The following TMEM223 variants were observed in gnomAD, a reference collection of about 807,000 sequenced individuals.
The protein encoded by TMEM223 is transmembrane protein 223.
In TMEM223, 14 loss-of-function variants were observed where a neutral mutation model predicts 14.1. That is an observed-to-expected ratio of 0.99 (90% CI 0.66 to 1.55). The LOEUF is 1.55. TMEM223 is among the 40% of genes most tolerant of loss of function. TMEM223 has a pLI of 0.00. For missense variants in TMEM223, 346 were observed against 269.9 expected, an observed-to-expected ratio of 1.28 and a Z score of -1.97; for synonymous variants, 145 against 120.5, an observed-to-expected ratio of 1.20 and a Z score of -1.33.
At chr11:62,787,352 C>T (rs998193563), downstream of TMEM223, 101 of 1,535,246 alleles carry the variant, frequency 6.6e-5, no homozygotes, top group Non-Finnish European at 8.3e-5. Context: ...ATGACGTCTC[C>T]ACCTTCGTGG....
intron 1 of TMEM223, among the ~76,000 whole-genome samples, chr11:62,780,780 C>G (rs1014020846): frequency 6.9e-6 from 1 of 145,172 alleles, no homozygotes; most frequent in East Asian, 2.1e-4. Flanking sequence ...ACTAAAAATA[C>G]CAGAAAATTA....
intron 1 of TMEM223, chr11:62,777,887 T>A: frequency 6.8e-7 from 1 of 1,462,470 alleles, no homozygotes; most frequent in Non-Finnish European, 9.3e-7. Context: ...AAACGTGGGC[T>A]CTCTGCTCTG....
chr11:62,791,887 G>A lies in TMEM223; in HGVS notation c.108C>T (p.Leu36=), dbSNP rs2084366204. Reference sequence around the variant, plus strand: ...AGAAGCGGCCCCGATCATGCTCAAAGAGCAGCACATCCCGTTGCAGCGTCG... The same window carrying A: ...AGAAGCGGCCCCGATCATGCTCAAAAAGCAGCACATCCCGTTGCAGCGTCG... ...QGTTLQRDVL[L]FEHDRGRFFT... Residue 36 remains leucine (L), a synonymous_variant, in exon 1 of 2, where the codon CTC becomes CTT. Transcript: ENST00000307366. 1 of 1,599,146 alleles carries A rather than the reference G, an allele frequency of 6.3e-7. No individual in the cohort carries two copies. Among genetic ancestry groups the A allele is most frequent in the Non-Finnish European group, 8.5e-7 (1 of 1,173,484 alleles).
Position 62,781,754 on chromosome 11 carries a change from A to G in TMEM223, c.315-7089T>C, listed in dbSNP as rs2084231479. The G allele has an allele frequency of 7.9e-6, 6 of 760,508 alleles. No homozygotes were observed. In the South Asian group the frequency reaches 9.2e-5, roughly 12 times the overall value. 47.1% of individuals were successfully genotyped at this position (760,508 alleles called of 1,614,324 possible). ...GTTTCTGTAGGTTACATTTATAGAA[A>G]TAGAATTGCTAGATCAAAGAATATG... On this transcript the variant is annotated intron_variant, in intron 1 of 2. Transcript: ENST00000528367.
At chr11:62,790,954 T>G in intron 1 of TMEM223, 39 bp from the exon 2 acceptor site, 2 of 1,494,304 alleles carry the variant, frequency 1.3e-6, no homozygotes, top group African/African-American at 2.8e-5. Context: ...GGGTTTTCAC[T>G]GGGCATCTAA....
downstream of TMEM223, among the ~76,000 whole-genome samples, chr11:62,783,113 C>T (rs998301309): frequency 8.5e-5 from 13 of 152,202 alleles, no homozygotes; most frequent in Non-Finnish European, 1.5e-5. Flanking sequence ...GAGCATTTTA[C>T]ACATGAATAG....
downstream of TMEM223, chr11:62,787,185 C>G (rs774365452): frequency 6.3e-7 from 1 of 1,585,250 alleles, no homozygotes; most frequent in South Asian, 1.1e-5. Context: ...CCGCGCCGTA[C>G]GGGCCTAGCC....
chr11:62,787,111 TTCA>T (rs2134731879), downstream of TMEM223: 1 of 1,550,510 alleles, frequency 6.4e-7, no homozygotes, highest in East Asian at 2.4e-5. Flanking sequence ...GCACTTTCGT[TTCA>T]TCATAGCCGG....
rs749198239 is a variant in TMEM223 at position 62,790,712 on chromosome 11, G to A, written c.520C>T (p.Arg174Ter). Residue 174 changes from arginine to a stop codon, truncating the protein, a stop_gained, in exon 2 of 2, where the codon CGA becomes TGA. Transcript: ENST00000307366. LOFTEE classifies it high-confidence loss of function. ...TTGTCCAAGAGGAAATAGAAGCGTC[G>A]GCCTTTGACTTTCAGAGGTAGCATG... is the stretch of plus-strand genomic sequence containing the variant. ...PAMLPLKVKG[R>*]RFYFLLDKTG... The A allele has an allele frequency of 9.9e-6, 16 of 1,611,526 alleles. No homozygotes were observed. The highest frequency in any genetic ancestry group is 1.6e-4 in the Middle Eastern group (1 of 6,084).
downstream of TMEM223, chr11:62,788,878 C>T: frequency 1.1e-6 from 1 of 905,526 alleles, no homozygotes; most frequent in East Asian, 2.5e-5. Flanking sequence ...CCATCAATAT[C>T]CCTGTCCCAG....
downstream of TMEM223, chr11:62,789,097 C>T (rs2084326782): frequency 1.9e-6 from 3 of 1,614,236 alleles, no homozygotes; most frequent in Non-Finnish European, 2.5e-6. Flanking sequence ...TATCCCGTCC[C>T]TCAGCACCAT....
chr11:62,777,180 A>C (rs1261579524), intron 1 of TMEM223, among the ~76,000 whole-genome samples: 3 of 151,758 alleles, frequency 2.0e-5, no homozygotes, highest in African/African-American at 7.3e-5. Context: ...CACAAAAATT[A>C]GCTGGGTGTG....
rs2084342912 is a variant in TMEM223, at chr11:62,790,165, G to A, written c.*458C>T. The A allele has an allele frequency of 8.3e-7, 1 of 1,209,458 alleles. No individual in the cohort carries two copies. Among genetic ancestry groups the A allele is most frequent in the South Asian group, 1.6e-5 (1 of 60,976 alleles). 74.9% of individuals were successfully genotyped at this position (1,209,458 alleles called of 1,614,324 possible). ...GTTTTCCTTTCGTTGGGGGGTGGGG[G>A]GGAAACATAATGACAGGCCCCCCTC... On this transcript the variant is annotated 3_prime_UTR_variant, in exon 2 of 2. Coordinates refer to ENST00000307366, the MANE Select transcript of TMEM223 (RefSeq NM_001080501.3).
chr11:62,785,490 C>CCAATCACAGGATTTTAAAT (rs1459733338), downstream of TMEM223, among the ~76,000 whole-genome samples: 2 of 151,446 alleles, frequency 1.3e-5, no homozygotes, highest in Admixed American at 6.6e-5. Flanking sequence ...CAGCGCCCGG[C>CCAATCACAGGATTTTAAAT]TGGTATTTTC....
intron 1 of TMEM223, chr11:62,775,616 C>T (rs909525303): frequency 6.5e-6 from 5 of 763,850 alleles, no homozygotes; most frequent in African/African-American, 5.3e-5. Context: ...CTGTTTCCTT[C>T]TCTGAGCCTC....
intron 1 of TMEM223, chr11:62,778,161 G>A: frequency 1.9e-6 from 3 of 1,614,066 alleles, no homozygotes; most frequent in Non-Finnish European, 2.5e-6. Context: ...GGTTGGGGAT[G>A]GGAGTTGGGC....
chr11:62,778,184 T>C, intron 1 of TMEM223: 1 of 1,613,248 alleles, frequency 6.2e-7, no homozygotes, highest in Non-Finnish European at 8.5e-7. Context: ...TGAAGAGAAG[T>C]GGTGATGGGC....
chr11:62,782,326 ATCT>A (rs768906515), intron 1 of TMEM223: 3 of 1,613,342 alleles, frequency 1.9e-6, no homozygotes, highest in Non-Finnish European at 1.7e-6. Context: ...GCTCAGCCAC[ATCT>A]TCTGGTAGCC....
At chr11:62,777,030 C>T (rs1162851412) in intron 1 of TMEM223, among the ~76,000 whole-genome samples, 1 of 151,668 alleles carries the variant, frequency 6.6e-6, no homozygotes, top group Non-Finnish European at 1.5e-5. Flanking sequence ...GCCTGTAACC[C>T]CAGTTACTCA....
Sources: allele counts gnomAD v4.1 joint callset (sites outside exome capture counted in the v4.1 genomes callset), GRCh38; gene constraint gnomAD v4.1.1; transcripts MANE v1.5; gene names NCBI Gene and HGNC (gene_info 2026-07-23, HGNC 2026-07-21).